The following VSNL1 variants were observed in gnomAD, a reference collection of about 807,000 sequenced individuals.
VSNL1 encodes visinin-like protein 1.
In VSNL1, 6 loss-of-function variants were observed where a neutral mutation model predicts 20.4. The observed-to-expected ratio is 0.29, with a 90% CI of 0.16 to 0.58. VSNL1 has a LOEUF of 0.58. Ranked by LOEUF, VSNL1 falls within the 20% of genes least tolerant of loss-of-function variation. The probability of loss-of-function intolerance (pLI) is 0.90; values close to 1 mark genes in which losing one functional copy is unlikely to be tolerated. For synonymous variants in VSNL1, 93 were observed against 86.4 expected, an observed-to-expected ratio of 1.08 and a Z score of -0.42; for missense variants, 100 against 234.5, an observed-to-expected ratio of 0.43 and a Z score of 3.75.
At chr2:17,586,405 C>T (rs190175006) in intron 1 of VSNL1, among the ~76,000 whole-genome samples, 10 of 152,162 alleles carry the variant, frequency 6.6e-5, no homozygotes, top group African/African-American at 2.2e-4. Flanking sequence ...TGTATTCAGA[C>T]AAGTTTAGGA....
intron 1 of VSNL1, among the ~76,000 whole-genome samples, chr2:17,563,225 C>T (rs1251463305): frequency 6.6e-6 from 1 of 152,132 alleles, no homozygotes; most frequent in African/African-American, 2.4e-5. Context: ...ATGCATTATC[C>T]TCAGAGCAAA....
At chr2:17,645,484 G>A (rs1572220852) in intron 2 of VSNL1, among the ~76,000 whole-genome samples, 5 of 152,328 alleles carry the variant, frequency 3.3e-5, no homozygotes, top group Admixed American at 3.3e-4. Flanking sequence ...CTGGGATAGG[G>A]GTGCAGAGGA....
At chr2:17,564,244 C>T (rs1663884019) in intron 1 of VSNL1, among the ~76,000 whole-genome samples, 1 of 152,134 alleles carries the variant, frequency 6.6e-6, no homozygotes, top group Non-Finnish European at 1.5e-5. Flanking sequence ...TCTATGTGGT[C>T]TGGCAACCAC....
At chr2:17,640,580 A>G (rs1665862011) in intron 2 of VSNL1, among the ~76,000 whole-genome samples, 1 of 152,256 alleles carries the variant, frequency 6.6e-6, no homozygotes, top group Admixed American at 6.5e-5. Flanking sequence ...ATTTAGGAGA[A>G]CATGTTAGAG....
chr2:17,655,455 TCACACACACACACACACACACA>T lies in VSNL1; in HGVS notation c.*86_*107del. 1.1e-5 allele frequency: 6 copies of T among 536,122 alleles called. No individual in the cohort carries two copies. The highest frequency in any genetic ancestry group is 8.4e-5 in the Admixed American group (3 of 35,692). The allele number at this position is 536,122 out of a possible 1,614,324, so 33.2% of individuals were successfully genotyped here. A position where few individuals can be genotyped will look rare whatever the true frequency, so the allele number is the denominator to read the frequency against. Reference sequence around the variant, plus strand: ...AATGTTCCATTCAGTCTGCAGCTATTCACACACACACACACACACACACACACACACACACACACACACACAA... The same window carrying T: ...AATGTTCCATTCAGTCTGCAGCTATTCACACACACACACACACACACACAA... On this transcript the variant is annotated 3_prime_UTR_variant, in exon 4 of 4. Coordinates refer to ENST00000295156, the MANE Select transcript of VSNL1 (RefSeq NM_003385.5). This position sits in a 1 kb window ranked among gnomAD's most constrained non-coding sequence, Gnocchi z 5.2.
At chr2:17,572,284 C>T (rs1183819005) in intron 1 of VSNL1, among the ~76,000 whole-genome samples, 1 of 152,058 alleles carries the variant, frequency 6.6e-6, no homozygotes, top group Non-Finnish European at 1.5e-5. Flanking sequence ...TCCATTGGTC[C>T]TTCCTATTTT....
chr2:17,601,700 C>T (rs970548047), intron 2 of VSNL1, among the ~76,000 whole-genome samples: 37 of 151,488 alleles, frequency 2.4e-4, no homozygotes, highest in African/African-American at 8.3e-4. Flanking sequence ...TTTGGGAGGC[C>T]GAGATGGGCG....
intron 1 of VSNL1, among the ~76,000 whole-genome samples, chr2:17,585,317 G>A (rs1664444376): frequency 6.6e-6 from 1 of 151,864 alleles, no homozygotes; most frequent in African/African-American, 2.4e-5. Context: ...GTGAGTACTT[G>A]GCTTCTGGAG....
chr2:17,650,800 T>C (rs1404388939), intron 3 of VSNL1, among the ~76,000 whole-genome samples: 2 of 152,246 alleles, frequency 1.3e-5, no homozygotes, highest in African/African-American at 2.4e-5. Flanking sequence ...CTCGTTCACT[T>C]GCACACCCTC....
Position 17,593,154 on chromosome 2 carries a change from G to A in VSNL1, c.162+918G>A, listed in dbSNP as rs79197049. On this transcript the variant is annotated intron_variant, in intron 2 of 3. Transcript: ENST00000295156. ...AAAATATTAAGCATTATCATTATGT[G>A]CTGAAGCTGAACATTTTCTATAACC... Among the ~76,000 whole-genome samples, 433 of 152,230 alleles carry A rather than the reference G, an allele frequency of 2.8e-3. 2 individuals carry two copies. The highest frequency in any genetic ancestry group is 0.01 in the African/African-American group (419 of 41,538).
chr2:17,623,486 G>A (rs112427637), intron 2 of VSNL1, among the ~76,000 whole-genome samples: 11,341 of 151,766 alleles, frequency 0.075, 597 homozygotes, highest in Non-Finnish European at 0.11. Flanking sequence ...TGGCTAACAC[G>A]GCGAAACCCC....
intron 1 of VSNL1, among the ~76,000 whole-genome samples, chr2:17,587,051 G>A (rs1476429903): frequency 6.6e-6 from 1 of 152,130 alleles, no homozygotes; most frequent in African/African-American, 2.4e-5. Flanking sequence ...ATTACATGCA[G>A]GTCTCCAACC....
intron 1 of VSNL1, among the ~76,000 whole-genome samples, chr2:17,555,770 C>T (rs560592122): frequency 6.6e-6 from 1 of 152,188 alleles, no homozygotes; most frequent in African/African-American, 2.4e-5. Context: ...ATTTCATTTG[C>T]TTAGTTTGTC....
intron 2 of VSNL1, among the ~76,000 whole-genome samples, chr2:17,638,959 G>A (rs934511040): frequency 5.3e-5 from 8 of 152,194 alleles, no homozygotes; most frequent in African/African-American, 1.7e-4. Context: ...GCCCTGGTGT[G>A]GCCATCCTTT....
intron 2 of VSNL1, among the ~76,000 whole-genome samples, chr2:17,612,299 G>A (rs908609122): frequency 6.6e-6 from 1 of 152,172 alleles, no homozygotes; most frequent in African/African-American, 2.4e-5. Flanking sequence ...GCTTGTCTCG[G>A]GGACTGGCCA....
chr2:17,559,054 C>G (rs902044253), intron 1 of VSNL1, among the ~76,000 whole-genome samples: 2 of 151,970 alleles, frequency 1.3e-5, no homozygotes, highest in Non-Finnish European at 2.9e-5. Context: ...CTTGGCTAGC[C>G]GTCCTTAGCA....
At chr2:17,576,704 A>C (rs1229317349) in intron 1 of VSNL1, among the ~76,000 whole-genome samples, 1 of 151,950 alleles carries the variant, frequency 6.6e-6, no homozygotes, top group Admixed American at 6.6e-5. Context: ...GATTCCCTAA[A>C]CTGTGAATCT....
At chr2:17,572,675 C>T (rs988806013) in intron 1 of VSNL1, among the ~76,000 whole-genome samples, 7 of 152,162 alleles carry the variant, frequency 4.6e-5, no homozygotes, top group Admixed American at 4.6e-4. Flanking sequence ...AGAATTAAGG[C>T]TGGGATTTAA....
At chr2:17,630,835 G>A (rs1665612746) in intron 2 of VSNL1, among the ~76,000 whole-genome samples, 1 of 152,082 alleles carries the variant, frequency 6.6e-6, no homozygotes, top group Non-Finnish European at 1.5e-5. Flanking sequence ...AGGCTGGAGT[G>A]CAGTGGCACG....
Sources: allele counts gnomAD v4.1 joint callset (sites outside exome capture counted in the v4.1 genomes callset), GRCh38; gene constraint gnomAD v4.1.1; non-coding constraint Gnocchi (gnomAD v3.1); transcripts MANE v1.5; gene names NCBI Gene and HGNC (gene_info 2026-07-23, HGNC 2026-07-21).